The following PAK1 variants were observed in gnomAD, a reference collection of about 807,000 sequenced individuals.
PAK1 encodes p21 (RAC1) activated kinase 1, also known as serine/threonine-protein kinase PAK 1.
A neutral mutation model predicts 67.4 loss-of-function variants in PAK1; 29 were observed. That is an observed-to-expected ratio of 0.43 (90% CI 0.32 to 0.59). The LOEUF (loss-of-function observed/expected upper bound fraction) is 0.59. Ranked by LOEUF, PAK1 falls within the 20% of genes least tolerant of loss-of-function variation. The pLI, the probability that PAK1 is intolerant of heterozygous loss-of-function variation, is 0.07. For synonymous variants in PAK1, 223 were observed against 237.4 expected, an observed-to-expected ratio of 0.94 and a Z score of 0.56; for missense variants, 337 against 670.7, an observed-to-expected ratio of 0.50 and a Z score of 5.50.
intron 14 of PAK1, among the ~76,000 whole-genome samples, chr11:77,324,177 T>C (rs1465901754): frequency 2.0e-5 from 3 of 149,400 alleles, no homozygotes; most frequent in Non-Finnish European, 4.4e-5. Flanking sequence ...AATTCCTTTT[T>C]TTTTTTTTTT....
intron 2 of PAK1, among the ~76,000 whole-genome samples, chr11:77,389,821 G>A (rs964854731): frequency 1.8e-4 from 28 of 152,004 alleles, no homozygotes; most frequent in Admixed American, 1.7e-3. Flanking sequence ...TTTGCTTTCC[G>A]GATGATGCCC....
chr11:77,490,578 C>G, the PAK1 span, among the ~76,000 whole-genome samples: 9 of 151,898 alleles, frequency 5.9e-5, no homozygotes, highest in Admixed American at 1.3e-4. Flanking sequence ...GCCGCCCCTA[C>G]TGGGAAGTGA....
At chr11:77,379,123 G>A in intron 4 of PAK1, 118 bp downstream of exon 4, 1 of 852,740 alleles carries the variant, frequency 1.2e-6, no homozygotes, top group Non-Finnish European at 1.8e-6. Context: ...ACGTTAAAGT[G>A]CCACTTCCAC....
At chr11:77,501,360 T>C in the PAK1 span, among the ~76,000 whole-genome samples, 89 of 152,334 alleles carry the variant, frequency 5.8e-4, no homozygotes, top group African/African-American at 2.1e-3. Context: ...ACTCAGTCTC[T>C]CCACTGACTC....
chr11:77,439,124 T>C (rs1956250810), intron 1 of PAK1, among the ~76,000 whole-genome samples: 1 of 152,228 alleles, frequency 6.6e-6, no homozygotes. Flanking sequence ...TGTTAGGACT[T>C]TGGCTTTTAA....
In PAK1 at chr11:77,332,848, G is replaced by A; in HGVS notation, c.1433C>T (p.Thr478Ile). 1 of 1,613,746 alleles carries A rather than the reference G, an allele frequency of 6.2e-7. No homozygotes were observed. The highest frequency in any genetic ancestry group is 8.5e-7 in the Non-Finnish European group (1 of 1,179,680). The change falls in exon 14 of 15, where the codon ACC becomes ATC. Residue 478 changes from threonine to isoleucine, a missense_variant. Transcript: ENST00000356341. ...NPLRALYLIA[T>I]NGTPELQNPE... ...GTTCTGAAGTTCTGGGGTCCCATTG[G>A]TGGCAATGAGGTACAAGGCCTGGCA...
At chr11:77,359,783 C>T (rs2136608993) in intron 5 of PAK1, among the ~76,000 whole-genome samples, 1 of 152,196 alleles carries the variant, frequency 6.6e-6, no homozygotes, top group East Asian at 1.9e-4. Context: ...AAATAGCATA[C>T]CATTACTGTT....
upstream of PAK1, among the ~76,000 whole-genome samples, chr11:77,478,102 G>A (rs1304070686): frequency 6.6e-6 from 1 of 152,142 alleles, no homozygotes. Context: ...TAGGACAATT[G>A]AAACATGCCA....
chr11:77,525,042 C>T, the PAK1 span, among the ~76,000 whole-genome samples: 5 of 152,098 alleles, frequency 3.3e-5, no homozygotes, highest in East Asian at 9.7e-4. Flanking sequence ...GTTAGTAACT[C>T]GGATTTAAAA....
chr11:77,484,658 C>T, the PAK1 span, among the ~76,000 whole-genome samples: 4 of 152,168 alleles, frequency 2.6e-5, no homozygotes, highest in Admixed American at 2.6e-4. Flanking sequence ...TTTCCTGCAG[C>T]AGTGCCTCAG....
chr11:77,457,202 G>A (rs897454324), intron 1 of PAK1, among the ~76,000 whole-genome samples: 13 of 152,184 alleles, frequency 8.5e-5, no homozygotes, highest in African/African-American at 3.1e-4. Flanking sequence ...AATACACAGA[G>A]AAGAGAAAAT....
At chr11:77,508,929 G>A in the PAK1 span, among the ~76,000 whole-genome samples, 1 of 145,276 alleles carries the variant, frequency 6.9e-6, no homozygotes, top group Non-Finnish European at 1.5e-5. Context: ...CAAAGTGTTG[G>A]GATTACAGGC....
intron 1 of PAK1, among the ~76,000 whole-genome samples, chr11:77,443,867 T>C (rs1956473383): frequency 6.6e-6 from 1 of 152,206 alleles, no homozygotes. Context: ...CAAGCAGCTG[T>C]GATATCTTCA....
At chr11:77,496,633 A>C in the PAK1 span, among the ~76,000 whole-genome samples, 2 of 151,996 alleles carry the variant, frequency 1.3e-5, no homozygotes, top group Admixed American at 6.6e-5. Context: ...AAGAAAAAGA[A>C]ATAAAAATAA....
At chr11:77,409,219 C>CATGATCGT (rs1174792366) in intron 1 of PAK1, among the ~76,000 whole-genome samples, 3 of 152,038 alleles carry the variant, frequency 2.0e-5, no homozygotes, top group African/African-American at 7.3e-5. Flanking sequence ...TGCAGTAGGC[C>CATGATCGT]ATGATCGTAC....
chr11:77,466,968 AG>A (rs1196774918), intron 1 of PAK1, among the ~76,000 whole-genome samples: 1 of 152,222 alleles, frequency 6.6e-6, no homozygotes, highest in East Asian at 1.9e-4. Flanking sequence ...TATCAGTAAA[AG>A]TATTTTGTAC....
rs551848144 is a variant in PAK1 at position 77,349,786 on chromosome 11, G to C, written c.837-499C>G. 7.2e-5 allele frequency among the ~76,000 whole-genome samples: 11 copies of C among 151,962 alleles called. No individual in the cohort carries two copies. In the South Asian group the frequency reaches 2.3e-3, roughly 32 times the overall value. Reference sequence around the variant, plus strand: ...TTCATCTATAAAAGGGATAAGATTAGATCTATGATTTTCAACTGGGGGGGT... The same window carrying C: ...TTCATCTATAAAAGGGATAAGATTACATCTATGATTTTCAACTGGGGGGGT... On this transcript the variant is annotated intron_variant, in intron 8 of 14. Transcript: ENST00000356341.
At chr11:77,418,446 C>G (rs1955088470) in intron 1 of PAK1, among the ~76,000 whole-genome samples, 1 of 152,178 alleles carries the variant, frequency 6.6e-6, no homozygotes, top group Non-Finnish European at 1.5e-5. Context: ...TTAATACTTC[C>G]AATAATTCAG....
chr11:77,506,163 A>G, the PAK1 span, among the ~76,000 whole-genome samples: 1 of 152,246 alleles, frequency 6.6e-6, no homozygotes, highest in African/African-American at 2.4e-5. Context: ...AGCCCCTTGC[A>G]TGTTTTAACT....
Sources: gnomAD v4.1 joint callset for allele counts (sites outside exome capture counted in the v4.1 genomes callset) on GRCh38, gnomAD v4.1.1 for gene constraint, MANE v1.5 for transcripts, NCBI Gene and HGNC (gene_info 2026-07-23, HGNC 2026-07-21) for gene names.